C1QTNF8: variants seen among roughly 807,000 people sequenced by gnomAD.
C1QTNF8 encodes complement C1q tumor necrosis factor-related protein 8.
C1QTNF8 carries 27 observed loss-of-function variants against 19.2 expected under a neutral mutation model. That is an observed-to-expected ratio of 1.41 (90% CI 1.04 to 1.94). The LOEUF (loss-of-function observed/expected upper bound fraction) is 1.94. C1QTNF8 is among the 30% of genes most tolerant of loss of function. The pLI, the probability that C1QTNF8 is intolerant of heterozygous loss-of-function variation, is 0.00. For synonymous variants in C1QTNF8, 208 were observed against 172.8 expected (o/e 1.20, Z -1.60); for missense variants, 484 against 374.4 (o/e 1.29, Z -2.42).
At position 1,090,358 on chromosome 16, in the gene C1QTNF8, G is replaced by T. The variant is rs1471061772; in HGVS notation, c.*241C>A. On this transcript the variant is annotated 3_prime_UTR_variant, in exon 5 of 5. Transcript: ENST00000328449. ...AGGGGCCATGTGTGCACAGCAAATG[G>T]CGGGCCCCTGTAGCCGCCCCTCCTC... 1 of 152,304 alleles carries T rather than the reference G, an allele frequency of 6.6e-6. No homozygotes were observed. Among genetic ancestry groups the T allele is most frequent in the Non-Finnish European group, 1.5e-5 (1 of 68,142 alleles). 9.4% of individuals were successfully genotyped at this position (152,304 alleles called of 1,614,324 possible). A position where few individuals can be genotyped will look rare whatever the true frequency, so the allele number is the denominator to read the frequency against.
In C1QTNF8 at chr16:1,093,962, C is replaced by T. The variant is rs1040565275; in HGVS notation, c.298G>A (p.Gly100Ser). 1.3e-6 allele frequency: 2 copies of T among 1,482,010 alleles called. No individual in the cohort carries two copies. Among genetic ancestry groups the T allele is most frequent in the Non-Finnish European group, 1.8e-6 (2 of 1,130,872 alleles). The allele number at this position is 1,482,010 out of a possible 1,614,324, so 91.8% of individuals were successfully genotyped here. A position where few individuals can be genotyped will look rare whatever the true frequency, so the allele number is the denominator to read the frequency against. ...GGCGGCCCCACCTGCCCCTTCTGGC[C>T]TCTGCGGCCCTGCAGGCCCCGGGCG... is the stretch of plus-strand genomic sequence containing the variant. ...PGARGLQGRR[G>S]QKGQVGPPGA... Residue 100 changes from glycine to serine, a missense_variant, in exon 4 of 5, where the codon GGC (glycine) becomes AGC (serine). Coordinates refer to ENST00000328449, the MANE Select transcript of C1QTNF8 (RefSeq NM_207419.3).
intron 3 of C1QTNF8, 67 bp from the exon 4 acceptor site, chr16:1,094,118 C>CA: frequency 1.6e-6 from 2 of 1,280,658 alleles, no homozygotes; most frequent in South Asian, 4.0e-5. Flanking sequence ...TTCCAGCACC[C>CA]AGGCCAGGGG....
rs1960490917 is a variant in C1QTNF8, at chr16:1,089,075, C to T, written c.*1524G>A. On this transcript the variant is annotated 3_prime_UTR_variant, in exon 5 of 5. Coordinates refer to ENST00000328449, the MANE Select transcript of C1QTNF8 (RefSeq NM_207419.3). ...TCACTGGAATCACAGAGGCTGGAGA[C>T]CCCAGGGCAGCCGGGCCAGGGCCAG... is the stretch of plus-strand genomic sequence containing the variant. Among the ~76,000 whole-genome samples the T allele has an allele frequency of 6.6e-6, 1 of 152,134 alleles. No individual in the cohort carries two copies. The highest frequency in any genetic ancestry group is 1.5e-5 in the Non-Finnish European group (1 of 67,998).
chr16:1,094,195 G>A (rs1960636695), intron 3 of C1QTNF8, 144 bp from the exon 4 acceptor site: 6 of 646,244 alleles, frequency 9.3e-6, no homozygotes, highest in Non-Finnish European at 9.3e-6. Context: ...CAGTCTCCGC[G>A]TCCACGTCTG....
intron 4 of C1QTNF8, 93 bp downstream of exon 4, chr16:1,093,400 CCACA>C (rs1416044863): frequency 1.5e-5 from 9 of 604,240 alleles, no homozygotes; most frequent in Admixed American, 3.8e-5. Context: ...CCACACCCAC[CCACA>C]CACACACACC....
At chr16:1,094,180 T>A in intron 3 of C1QTNF8, 129 bp from the exon 4 acceptor site, 1 of 690,776 alleles carries the variant, frequency 1.4e-6, no homozygotes, top group Non-Finnish European at 2.1e-6. Context: ...TGACGGCCCC[T>A]CTCCCAGTCT....
At chr16:1,094,964 G>A in intron 2 of C1QTNF8, 31 bp from the exon 3 acceptor site, 1 of 1,016,090 alleles carries the variant, frequency 9.8e-7, no homozygotes, top group Non-Finnish European at 1.3e-6. Flanking sequence ...GAGGGACTGA[G>A]AAGGAGGTGC....
rs1960640113 is a variant in C1QTNF8 at position 1,094,356 on chromosome 16, C to G, written c.209-305G>C. 1.3e-5 allele frequency among the ~76,000 whole-genome samples: 2 copies of G among 152,162 alleles called. 1 individual carries two copies. Among genetic ancestry groups the G allele is most frequent in the South Asian group, 4.1e-4 (2 of 4,832 alleles). On this transcript the variant is annotated intron_variant, in intron 3 of 4. Coordinates refer to ENST00000328449, the MANE Select transcript of C1QTNF8 (RefSeq NM_207419.3). ...AATGAGAAGGCTGGGAAGGTCCTAC[C>G]CAAGCCTAACCTTAGTACAGCCTTC...
chr16:1,089,098 C>T lies in C1QTNF8; in HGVS notation c.*1501G>A, dbSNP rs566211336. On this transcript the variant is annotated 3_prime_UTR_variant, in exon 5 of 5. Coordinates refer to ENST00000328449, the MANE Select transcript of C1QTNF8 (RefSeq NM_207419.3). ...GACCCCAGGGCAGCCGGGCCAGGGCCAGGGCCAGGGAAAGGAACGGTTGTC... is the reference window on the plus strand; with the variant it reads ...GACCCCAGGGCAGCCGGGCCAGGGCTAGGGCCAGGGAAAGGAACGGTTGTC... Among the ~76,000 whole-genome samples, 7 of 152,312 alleles carry T rather than the reference C, an allele frequency of 4.6e-5. No homozygotes were observed. In the East Asian group the frequency reaches 1.4e-3, roughly 29 times the overall value.
chr16:1,090,780 G>T (rs906708975), intron 4 of C1QTNF8, among the ~76,000 whole-genome samples, 186 bp from the exon 5 acceptor site: 2 of 152,210 alleles, frequency 1.3e-5, no homozygotes, highest in Admixed American at 1.3e-4. Flanking sequence ...AGTGGTGGGT[G>T]GTGGGGATGA....
At chr16:1,093,027 C>G (rs1422018794) in intron 4 of C1QTNF8, among the ~76,000 whole-genome samples, 28 of 118,464 alleles carry the variant, frequency 2.4e-4, no homozygotes, top group East Asian at 5.5e-4. Context: ...GGCGCTCAAC[C>G]AATCCCTGCA....
chr16:1,094,635 C>G, intron 3 of C1QTNF8, 80 bp downstream of exon 3: 2 of 1,260,222 alleles, frequency 1.6e-6, no homozygotes, highest in East Asian at 2.7e-5. Flanking sequence ...CCCCTCCTCC[C>G]AAGCCCCAGG....
intron 2 of C1QTNF8, among the ~76,000 whole-genome samples, chr16:1,095,328 A>G (rs1960663425): frequency 6.6e-6 from 1 of 152,172 alleles, no homozygotes; most frequent in African/African-American, 2.4e-5. Context: ...GGTCTGCTCC[A>G]GGGAAAGGCC....
chr16:1,093,534 G>A lies in C1QTNF8; in HGVS notation c.726C>T (p.Ser242=). The A allele has an allele frequency of 1.9e-6, 3 of 1,560,870 alleles. No homozygotes were observed. The highest frequency in any genetic ancestry group is 1.9e-4 in the Middle Eastern group (1 of 5,390). The change falls in exon 4 of 5, where the codon AGC becomes AGT. Residue 242 remains serine (S), a synonymous_variant. Coordinates refer to ENST00000328449, the MANE Select transcript of C1QTNF8 (RefSeq NM_207419.3). ...GEHGDLYITF[S]GHLVKPAAEL ...CGGCGGCCGGCTTGACCAGGTGGCCGCTGAAGGTGATGTAGAGGTCTCCGT... is the reference window on the plus strand; with the variant it reads ...CGGCGGCCGGCTTGACCAGGTGGCCACTGAAGGTGATGTAGAGGTCTCCGT...
chr16:1,094,057 G>T lies in C1QTNF8; in HGVS notation c.209-6C>A. 1 of 1,438,162 alleles carries T rather than the reference G, an allele frequency of 7.0e-7. No homozygotes were observed. Among genetic ancestry groups the T allele is most frequent in the Non-Finnish European group, 9.0e-7 (1 of 1,109,126 alleles). 89.1% of individuals were successfully genotyped at this position (1,438,162 alleles called of 1,614,324 possible). On this transcript the variant is annotated splice_region_variant and splice_polypyrimidine_tract_variant and intron_variant, in intron 3 of 4. Coordinates refer to ENST00000328449, the MANE Select transcript of C1QTNF8 (RefSeq NM_207419.3). ...GCCGGCCTCACCCTTCTCACCTGCAGGGGACAAACGAAAGCCACGGGTCGG... is the reference window on the plus strand; with the variant it reads ...GCCGGCCTCACCCTTCTCACCTGCATGGGACAAACGAAAGCCACGGGTCGG...
In C1QTNF8 at chr16:1,093,858, C is replaced by T. The variant is rs755826762; in HGVS notation, c.402G>A (p.Gln134=). The change falls in exon 4 of 5, where the codon CAG becomes CAA. Residue 134 remains glutamine (Q), a synonymous_variant. Coordinates refer to ENST00000328449, the MANE Select transcript of C1QTNF8 (RefSeq NM_207419.3). Reference sequence around the variant, plus strand: ...CCAGCTCCGTGTCGAAGGGCACCGCCTGGAAGTGGTCGGAGCTGTGCAGGC... The same window carrying T: ...CCAGCTCCGTGTCGAAGGGCACCGCTTGGAAGTGGTCGGAGCTGTGCAGGC... ...REGLHSSDHF[Q]AVPFDTELVN... 6.2e-7 allele frequency: 1 copy of T among 1,603,486 alleles called. No individual in the cohort carries two copies. The highest frequency in any genetic ancestry group is 8.5e-7 in the Non-Finnish European group (1 of 1,178,598).
At chr16:1,094,673 G>T in intron 3 of C1QTNF8, 42 bp downstream of exon 3, 1 of 1,551,570 alleles carries the variant, frequency 6.4e-7, no homozygotes, top group Non-Finnish European at 8.8e-7. Context: ...GGGCTGTTGG[G>T]TCCTGGTGGG....
At position 1,093,601 on chromosome 16, in the gene C1QTNF8, C is replaced by T; in HGVS notation, c.659G>A (p.Arg220His). Residue 220 changes from arginine (R) to histidine (H), a missense_variant, in exon 4 of 5, where the codon CGC becomes CAC. Arg to His is a conservative substitution (Grantham distance 29). Coordinates refer to ENST00000328449, the MANE Select transcript of C1QTNF8 (RefSeq NM_207419.3). Reference protein sequence around the residue: ...LLAAGDAVWVRMFQRDRDNAI... With the variant: ...LLAAGDAVWVHMFQRDRDNAI... ...GTTGTCCCGGTCGCGCTGGAACATG[C>T]GCACCCAGACGGCGTCGCCCGCCGC... is the stretch of plus-strand genomic sequence containing the variant. 4 of 1,601,968 alleles carry T rather than the reference C, an allele frequency of 2.5e-6. No homozygotes were observed. The highest frequency in any genetic ancestry group is 3.4e-6 in the Non-Finnish European group (4 of 1,174,674).
Position 1,093,537 on chromosome 16 carries a change from G to T in C1QTNF8, c.723C>A (p.Phe241Leu), listed in dbSNP as rs1186471087. 2.6e-6 allele frequency: 4 copies of T among 1,565,026 alleles called. No individual in the cohort carries two copies. Among genetic ancestry groups the T allele is most frequent in the East Asian group, 2.3e-5 (1 of 42,770 alleles). Reference protein sequence around the residue: ...YGEHGDLYITFSGHLVKPAAE... With the variant: ...YGEHGDLYITLSGHLVKPAAE... Reference sequence around the variant, plus strand: ...CGGCCGGCTTGACCAGGTGGCCGCTGAAGGTGATGTAGAGGTCTCCGTGCT... The same window carrying T: ...CGGCCGGCTTGACCAGGTGGCCGCTTAAGGTGATGTAGAGGTCTCCGTGCT... Residue 241 changes from phenylalanine to leucine, a missense_variant, in exon 4 of 5, where the codon TTC becomes TTA. Transcript: ENST00000328449.
Sources: allele counts gnomAD v4.1 joint callset (sites outside exome capture counted in the v4.1 genomes callset), GRCh38; gene constraint gnomAD v4.1.1; transcripts MANE v1.5; gene names NCBI Gene and HGNC (gene_info 2026-07-23, HGNC 2026-07-21).